ADCY5: variants seen among roughly 807,000 people sequenced by gnomAD.
The protein encoded by ADCY5 is adenylate cyclase type 5.
In ADCY5, 30 loss-of-function variants were observed where a neutral mutation model predicts 119.7. The observed-to-expected ratio is 0.25, with a 90% CI of 0.19 to 0.34. The LOEUF is 0.34. Among genes scored for constraint, ADCY5 ranks in the 10% least tolerant of loss-of-function variants. The probability of loss-of-function intolerance (pLI) is 1.00; values close to 1 mark genes in which losing one functional copy is unlikely to be tolerated. For missense variants in ADCY5, 1,324 were observed against 1,775.2 expected (o/e 0.75, Z 4.57); for synonymous variants, 753 against 762.2 (o/e 0.99, Z 0.20).
chr3:123,282,934 T>A lies in ADCY5; in HGVS notation c.*1674A>T, dbSNP rs1326754097. On this transcript the variant is annotated 3_prime_UTR_variant, in exon 21 of 21. Transcript: ENST00000462833. Reference sequence around the variant, plus strand: ...AATGGAAAGATTTGGGCATGGGCCCTAAGGATTCCACTGAATTCTGTGCTA... The same window carrying A: ...AATGGAAAGATTTGGGCATGGGCCCAAAGGATTCCACTGAATTCTGTGCTA... The A allele has an allele frequency of 6.6e-6, 1 of 152,266 alleles. No individual in the cohort carries two copies. Among genetic ancestry groups the A allele is most frequent in the East Asian group, 1.9e-4 (1 of 5,206 alleles). The allele number at this position is 152,266 out of a possible 1,614,324, so 9.4% of individuals were successfully genotyped here. A position where few individuals can be genotyped will look rare whatever the true frequency, so the allele number is the denominator to read the frequency against.
chr3:123,320,246 C>A (rs1941147600), intron 9 of ADCY5, among the ~76,000 whole-genome samples: 1 of 152,156 alleles, frequency 6.6e-6, no homozygotes, highest in South Asian at 2.1e-4. Flanking sequence ...GGACTGTGGC[C>A]CACCTGGTTT....
intron 1 of ADCY5, among the ~76,000 whole-genome samples, chr3:123,440,808 C>T (rs1945709437): frequency 6.6e-6 from 1 of 152,140 alleles, no homozygotes; most frequent in African/African-American, 2.4e-5. Flanking sequence ...GATTGTTTTG[C>T]CTCAAAAAGG....
intron 1 of ADCY5, among the ~76,000 whole-genome samples, chr3:123,411,803 A>G (rs1945055740): frequency 2.0e-5 from 3 of 152,286 alleles, no homozygotes; most frequent in African/African-American, 7.2e-5. Flanking sequence ...TGACATGTCA[A>G]TACAGGTGAG....
Position 123,332,693 on chromosome 3 carries a change from G to A in ADCY5, c.1407-18C>T. ...ACAGGATGCTGGGGGACAGGCAGAG[G>A]AGGAAGACCCTGCTATAGGCTGAAT... On this transcript the variant is annotated intron_variant, in intron 3 of 20. Coordinates refer to ENST00000462833, the MANE Select transcript of ADCY5 (RefSeq NM_183357.3). 6.6e-7 allele frequency: 1 copy of A among 1,522,574 alleles called. No individual in the cohort carries two copies. Among genetic ancestry groups the A allele is most frequent in the Non-Finnish European group, 9.1e-7 (1 of 1,097,952 alleles). 94.3% of individuals were successfully genotyped at this position (1,522,574 alleles called of 1,614,324 possible).
intron 1 of ADCY5, among the ~76,000 whole-genome samples, chr3:123,362,843 GAATTT>G (rs1179014700): frequency 6.6e-6 from 1 of 152,056 alleles, no homozygotes; most frequent in African/African-American, 2.4e-5. Context: ...TAAATGGGTA[GAATTT>G]AACAACAAAA....
rs971660048 is a variant in ADCY5, at chr3:123,286,297, A to G, written c.3657+388T>C. Among the ~76,000 whole-genome samples the G allele has an allele frequency of 3.3e-5, 5 of 152,146 alleles. No individual in the cohort carries two copies. Among genetic ancestry groups the G allele is most frequent in the Admixed American group, 1.3e-4 (2 of 15,280 alleles). ...CCCACTGGCTCTCCTGAGCCAGGCC[A>G]GGAGTGCTGCAGGCTCAATGGGTAA... On this transcript the variant is annotated intron_variant, in intron 20 of 20. Coordinates refer to ENST00000462833, the MANE Select transcript of ADCY5 (RefSeq NM_183357.3). The surrounding 1 kb of genome is among the most constrained non-coding windows in gnomAD (Gnocchi z 4.2).
Position 123,292,025 on chromosome 3 carries a change from T to C in ADCY5, c.3064-649A>G, listed in dbSNP as rs559956873. ...CAGTTTGGGTCCTGGGTCTATGGGA[T>C]TTTTTGGTCACCCACCTTCCAGGTT... On this transcript the variant is annotated intron_variant, in intron 17 of 20. Coordinates refer to ENST00000462833, the MANE Select transcript of ADCY5 (RefSeq NM_183357.3). Among the ~76,000 whole-genome samples the C allele has an allele frequency of 1.5e-3, 229 of 152,260 alleles. 1 individual carries two copies. The highest frequency in any genetic ancestry group is 5.3e-3 in the African/African-American group (222 of 41,546).
Position 123,407,624 on chromosome 3 carries a change from G to A in ADCY5, c.1134+39788C>T, listed in dbSNP as rs1361941533. Among the ~76,000 whole-genome samples the A allele has an allele frequency of 2.0e-5, 3 of 147,194 alleles. No individual in the cohort carries two copies. The South Asian group carries it at 6.6e-4, about 33-fold the overall frequency. ...AAAAAAAAAAAAATTAGCTGGGCAC[G>A]GTGGTATGCACCTGCAGTCTCAGCT... On this transcript the variant is annotated intron_variant, in intron 1 of 20. Coordinates refer to ENST00000462833, the MANE Select transcript of ADCY5 (RefSeq NM_183357.3).
At chr3:123,313,929 G>A (rs532485214) in intron 12 of ADCY5, among the ~76,000 whole-genome samples, 2 of 152,246 alleles carry the variant, frequency 1.3e-5, no homozygotes, top group African/African-American at 2.4e-5. Context: ...CTTGGTGCTC[G>A]GTGCCCTTCC....
intron 1 of ADCY5, among the ~76,000 whole-genome samples, chr3:123,424,751 GGT>G (rs140536754): frequency 2.0e-5 from 3 of 151,880 alleles, no homozygotes; most frequent in Non-Finnish European, 4.4e-5. Context: ...AGGTTTGAAG[GGT>G]GTGTGTGTGT....
intron 11 of ADCY5, among the ~76,000 whole-genome samples, chr3:123,314,932 G>A (rs373766783): frequency 3.3e-5 from 5 of 152,176 alleles, no homozygotes; most frequent in African/African-American, 9.7e-5. Flanking sequence ...TTTGCTCCTC[G>A]ATTCCTAGCC....
At chr3:123,297,315 G>A (rs767580387) in intron 16 of ADCY5, 38 bp downstream of exon 16, 2 of 1,610,044 alleles carry the variant, frequency 1.2e-6, no homozygotes, top group Non-Finnish European at 1.7e-6. Context: ...TCTGTGCTGA[G>A]GGCAGGGAGC....
chr3:123,424,788 A>G (rs922512047), intron 1 of ADCY5, among the ~76,000 whole-genome samples: 1 of 152,228 alleles, frequency 6.6e-6, no homozygotes, highest in Non-Finnish European at 1.5e-5. Context: ...GCACGCGCGC[A>G]TGTCAGCATG....
At chr3:123,289,664 G>T in intron 19 of ADCY5, 86 bp downstream of exon 19, 1 of 1,478,024 alleles carries the variant, frequency 6.8e-7, no homozygotes. Context: ...CCACAATGGC[G>T]GATGCGGTAT....
At chr3:123,313,959 A>G (rs759713819) in intron 12 of ADCY5, among the ~76,000 whole-genome samples, 3 of 152,192 alleles carry the variant, frequency 2.0e-5, no homozygotes, top group Non-Finnish European at 2.9e-5. Flanking sequence ...CATAACATGA[A>G]TAGGCACAGC....
chr3:123,445,505 G>A (rs374740809), intron 1 of ADCY5, among the ~76,000 whole-genome samples: 15 of 152,168 alleles, frequency 9.9e-5, no homozygotes, highest in African/African-American at 2.2e-4. Context: ...TTCCTCTGCA[G>A]AAAAGCTACA....
At chr3:123,334,746 G>GAATA (rs955026138) in intron 3 of ADCY5, among the ~76,000 whole-genome samples, 2 of 151,910 alleles carry the variant, frequency 1.3e-5, no homozygotes, top group South Asian at 4.2e-4. Context: ...AAATAATAAT[G>GAATA]AATAAATAAA....
intron 1 of ADCY5, among the ~76,000 whole-genome samples, chr3:123,406,591 G>A (rs1336970236): frequency 6.6e-6 from 1 of 152,212 alleles, no homozygotes; most frequent in Non-Finnish European, 1.5e-5. Flanking sequence ...GGAGAGGAAA[G>A]GGATTTTTTT....
intron 16 of ADCY5, chr3:123,296,948 G>C (rs1939554186): frequency 3.9e-6 from 6 of 1,527,410 alleles, no homozygotes; most frequent in Non-Finnish European, 5.3e-6. Context: ...CCTCAATGCA[G>C]GGACGGGTCC....
Sources: allele counts gnomAD v4.1 joint callset (sites outside exome capture counted in the v4.1 genomes callset), GRCh38; gene constraint gnomAD v4.1.1; non-coding constraint Gnocchi (gnomAD v3.1); transcripts MANE v1.5; gene names NCBI Gene and HGNC (gene_info 2026-07-23, HGNC 2026-07-21).